The following DLGAP2 variants were observed in gnomAD, a reference collection of about 807,000 sequenced individuals.
DLGAP2 encodes DLG associated protein 2, also known as disks large-associated protein 2.
A neutral mutation model predicts 100.3 loss-of-function variants in DLGAP2; 26 were observed. That is an observed-to-expected ratio of 0.26 (90% CI 0.19 to 0.36). The LOEUF (loss-of-function observed/expected upper bound fraction) is 0.36, where lower values mean the gene tolerates loss of function less well. Ranked by LOEUF, DLGAP2 falls within the 10% of genes least tolerant of loss-of-function variation. The pLI, the probability that DLGAP2 is intolerant of heterozygous loss-of-function variation, is 1.00. For missense variants in DLGAP2, 1,858 were observed against 1,453.2 expected (o/e 1.28, Z -4.53); for synonymous variants, 886 against 630.1 (o/e 1.41, Z -6.08).
intron 1 of DLGAP2, among the ~76,000 whole-genome samples, chr8:749,117 A>G (rs1820725337): frequency 6.6e-6 from 1 of 152,300 alleles, no homozygotes; most frequent in South Asian, 2.1e-4. Flanking sequence ...TTCCTGCCTC[A>G]GCCCTTGAGT....
At chr8:1,169,319 G>A (rs1412388631) in intron 2 of DLGAP2, among the ~76,000 whole-genome samples, 2 of 152,150 alleles carry the variant, frequency 1.3e-5, no homozygotes, top group African/African-American at 4.8e-5. Flanking sequence ...GTAGCGTGAT[G>A]CCTCCAGCTT....
At chr8:1,693,690 T>C (rs1799309898) in intron 13 of DLGAP2, among the ~76,000 whole-genome samples, 1 of 152,210 alleles carries the variant, frequency 6.6e-6, no homozygotes. Context: ...CATTAAAAAG[T>C]ATGCCTTCTC....
intron 2 of DLGAP2, among the ~76,000 whole-genome samples, chr8:1,238,549 T>A (rs77144019): frequency 1.4e-5 from 1 of 71,350 alleles, no homozygotes; most frequent in South Asian, 9.0e-4. Flanking sequence ...TCTCACATGG[T>A]GCCGTGTCTA....
At chr8:1,701,128 C>T (rs1799554586) in intron 14 of DLGAP2, 60 bp from the exon 15 acceptor site, 1 of 1,485,648 alleles carries the variant, frequency 6.7e-7, no homozygotes, top group Non-Finnish European at 9.1e-7. Flanking sequence ...CCGCTGAGCT[C>T]GCGAGCTGCT....
chr8:1,571,055 T>G (rs1400544588), intron 6 of DLGAP2, among the ~76,000 whole-genome samples: 3 of 120,720 alleles, frequency 2.5e-5, no homozygotes, highest in African/African-American at 9.7e-5. Context: ...AGAGGTGAAC[T>G]GTGGGGGCAT....
intron 1 of DLGAP2, among the ~76,000 whole-genome samples, chr8:813,489 T>C (rs1407366498): frequency 6.6e-6 from 1 of 152,246 alleles, no homozygotes; most frequent in Non-Finnish European, 1.5e-5. Flanking sequence ...ACATGAACTC[T>C]GCTCTTCCAG....
chr8:800,177 A>C (rs1796118607), intron 1 of DLGAP2, among the ~76,000 whole-genome samples: 1 of 152,008 alleles, frequency 6.6e-6, no homozygotes, highest in South Asian at 2.1e-4. Flanking sequence ...GCTGTGCCCG[A>C]GGTGTGGGTC....
At chr8:1,561,808 A>G (rs11990347) in intron 5 of DLGAP2, among the ~76,000 whole-genome samples, 11,971 of 13,866 alleles carry the variant, frequency 0.86, 5,293 homozygotes, top group East Asian at 0.98. Flanking sequence ...GGGTGTCTGC[A>G]CCTCGTTACT....
intron 3 of DLGAP2, among the ~76,000 whole-genome samples, chr8:1,470,587 A>G (rs767858493): frequency 6.6e-6 from 1 of 152,150 alleles, no homozygotes; most frequent in Non-Finnish European, 1.5e-5. Flanking sequence ...TAAATATTTG[A>G]TGTTTGACTA....
At chr8:1,227,183 A>ATATATATATC (rs1563265070) in intron 2 of DLGAP2, among the ~76,000 whole-genome samples, 1 of 132,534 alleles carries the variant, frequency 7.5e-6, no homozygotes, top group African/African-American at 3.3e-5. Flanking sequence ...TAGTATAGAT[A>ATATATATATC]TATATTATCC....
At chr8:1,344,762 T>G (rs529385859) in intron 3 of DLGAP2, among the ~76,000 whole-genome samples, 1 of 152,282 alleles carries the variant, frequency 6.6e-6, no homozygotes, top group Non-Finnish European at 1.5e-5. Flanking sequence ...CACTCCTCCT[T>G]GGGGATCACT....
intron 4 of DLGAP2, among the ~76,000 whole-genome samples, chr8:1,543,119 G>A (rs148501944): frequency 3.9e-5 from 6 of 152,298 alleles, no homozygotes; most frequent in East Asian, 3.9e-4. Context: ...TCACAAATAC[G>A]TGATTTACAA....
At chr8:794,051 G>A (rs1398802438) in intron 1 of DLGAP2, among the ~76,000 whole-genome samples, 2 of 151,916 alleles carry the variant, frequency 1.3e-5, no homozygotes, top group African/African-American at 2.4e-5. Context: ...CGTGAGTGAG[G>A]TTGGGATGAG....
chr8:1,310,836 G>T (rs1800596839), intron 3 of DLGAP2, among the ~76,000 whole-genome samples: 1 of 151,932 alleles, frequency 6.6e-6, no homozygotes. Flanking sequence ...TTTTGTCAAA[G>T]TAACATTTTA....
At chr8:1,076,989 C>T (rs1328036702) in intron 2 of DLGAP2, among the ~76,000 whole-genome samples, 1 of 148,612 alleles carries the variant, frequency 6.7e-6, no homozygotes, top group African/African-American at 2.5e-5. Flanking sequence ...TCCCGGGCCC[C>T]CCCAAGACCA....
At chr8:1,320,211 G>A (rs1337723300) in intron 3 of DLGAP2, among the ~76,000 whole-genome samples, 1 of 152,006 alleles carries the variant, frequency 6.6e-6, no homozygotes, top group Non-Finnish European at 1.5e-5. Context: ...AATGGGGAAG[G>A]GTAAGGATGA....
intron 2 of DLGAP2, among the ~76,000 whole-genome samples, chr8:1,207,413 T>G (rs1388351453): frequency 1.3e-5 from 2 of 152,244 alleles, no homozygotes; most frequent in Non-Finnish European, 2.9e-5. Context: ...ATTATTTTGT[T>G]CCTTTTTTTG....
rs551474119 is a variant in DLGAP2, at chr8:1,661,543, A to G, written c.1811-6786A>G. ...CCTGGCAAACTAAAATTAGAGGTTT[A>G]TATAGCAGGGAAGAAATGTAACCAT... On this transcript the variant is annotated intron_variant, in intron 8 of 14. Transcript: ENST00000637795. 2.0e-5 allele frequency among the ~76,000 whole-genome samples: 3 copies of G among 152,344 alleles called. No homozygotes were observed. In the East Asian group the frequency reaches 5.8e-4, roughly 29 times the overall value.
chr8:1,331,037 C>G (rs1244172781), intron 3 of DLGAP2, among the ~76,000 whole-genome samples: 1 of 152,012 alleles, frequency 6.6e-6, no homozygotes, highest in African/African-American at 2.4e-5. Flanking sequence ...CACCGCTTCA[C>G]AGGAGCGTGA....
Sources: gnomAD v4.1 joint callset for allele counts (sites outside exome capture counted in the v4.1 genomes callset) on GRCh38, gnomAD v4.1.1 for gene constraint, MANE v1.5 for transcripts, NCBI Gene and HGNC (gene_info 2026-07-23, HGNC 2026-07-21) for gene names.